Variants in RAPGEF5 observed in about 807,000 individuals in gnomAD.
RAPGEF5 encodes Rap guanine nucleotide exchange factor 5, also known as M-Ras-regulated GEF.
Under a neutral mutation model 125.2 loss-of-function variants are expected in RAPGEF5, and 65 were observed. That is an observed-to-expected ratio of 0.52 (90% CI 0.43 to 0.64). RAPGEF5 has a LOEUF of 0.64. Ranked by LOEUF, RAPGEF5 falls within the 30% of genes least tolerant of loss-of-function variation. The pLI, the probability that RAPGEF5 is intolerant of heterozygous loss-of-function variation, is 0.00. For synonymous variants in RAPGEF5, 391 were observed against 385.9 expected (o/e 1.01, Z -0.16); for missense variants, 958 against 1,048.1 (o/e 0.91, Z 1.19).
intron 1 of RAPGEF5, among the ~76,000 whole-genome samples, chr7:22,331,379 G>A (rs887042611): frequency 4.6e-5 from 7 of 152,224 alleles, no homozygotes; most frequent in South Asian, 2.1e-4. Flanking sequence ...ACAGAAGCTC[G>A]ATCTTTCTAT....
chr7:22,207,357 C>A (rs775847818), intron 9 of RAPGEF5, among the ~76,000 whole-genome samples: 27 of 151,926 alleles, frequency 1.8e-4, no homozygotes, highest in African/African-American at 6.5e-4. Flanking sequence ...TGGAGAGTTG[C>A]GCGTTATAGT....
Position 22,311,536 on chromosome 7 carries a change from G to A in RAPGEF5, c.390-1446C>T, listed in dbSNP as rs1455032481. On this transcript the variant is annotated intron_variant, in intron 3 of 25. Transcript: ENST00000665637. ...ATTTTCTGGGGTGAAGAAAAATAAAGTAGTAAACTTTTCTGCTGAGATATT... is the reference window on the plus strand; with the variant it reads ...ATTTTCTGGGGTGAAGAAAAATAAAATAGTAAACTTTTCTGCTGAGATATT... Among the ~76,000 whole-genome samples, 8 of 152,178 alleles carry A rather than the reference G, an allele frequency of 5.3e-5. 1 individual carries two copies. In the South Asian group the frequency reaches 1.5e-3, roughly 28 times the overall value.
intron 5 of RAPGEF5, among the ~76,000 whole-genome samples, chr7:22,302,775 C>A (rs1364350101): frequency 7.0e-6 from 1 of 142,794 alleles, no homozygotes; most frequent in African/African-American, 2.6e-5. Context: ...CCCCACCCCA[C>A]CCCCGCCTTT....
At chr7:22,247,271 A>G (rs920430771) in intron 7 of RAPGEF5, among the ~76,000 whole-genome samples, 2 of 152,210 alleles carry the variant, frequency 1.3e-5, no homozygotes, top group African/African-American at 4.8e-5. Context: ...AAAAAGACAC[A>G]TGCACTCATA....
intron 6 of RAPGEF5, among the ~76,000 whole-genome samples, chr7:22,290,635 C>A (rs1782909827): frequency 6.7e-6 from 1 of 149,150 alleles, no homozygotes; most frequent in Admixed American, 6.7e-5. Context: ...GTCCCAGCTA[C>A]TTGGGAGGCT....
At chr7:22,318,138 G>GAAAAAAAA in intron 1 of RAPGEF5, 101 bp from the exon 2 acceptor site, 1 of 701,996 alleles carries the variant, frequency 1.4e-6, no homozygotes, top group South Asian at 3.0e-5. Context: ...CCTCTGCTAT[G>GAAAAAAAA]AAAAAAAAAA....
intron 1 of RAPGEF5, chr7:22,356,260 G>A: frequency 1.0e-6 from 1 of 985,404 alleles, no homozygotes; most frequent in South Asian, 4.7e-5. Flanking sequence ...TCCTGCTCAA[G>A]AGGGTGTCCA....
intron 21 of RAPGEF5, among the ~76,000 whole-genome samples, chr7:22,139,049 A>G (rs1248377601): frequency 1.3e-5 from 2 of 152,178 alleles, no homozygotes; most frequent in East Asian, 3.9e-4. Context: ...AGCACAGTGC[A>G]TTCCTTCAGG....
At chr7:22,180,843 C>G (rs1370160821) in intron 11 of RAPGEF5, among the ~76,000 whole-genome samples, 1 of 152,224 alleles carries the variant, frequency 6.6e-6, no homozygotes, top group African/African-American at 2.4e-5. Context: ...GACGAAGACA[C>G]AGTGCCTTGG....
intron 1 of RAPGEF5, among the ~76,000 whole-genome samples, chr7:22,340,694 C>T (rs1414965500): frequency 2.0e-5 from 3 of 152,200 alleles, no homozygotes; most frequent in Non-Finnish European, 4.4e-5. Context: ...ATTCTCTTAC[C>T]AGGGTATTCC....
intron 7 of RAPGEF5, among the ~76,000 whole-genome samples, chr7:22,258,278 T>C (rs111338109): frequency 0.032 from 4,930 of 152,246 alleles, 111 homozygotes; most frequent in African/African-American, 0.057. Context: ...CCAATTTCAA[T>C]ACTTAACGTA....
intron 1 of RAPGEF5, among the ~76,000 whole-genome samples, chr7:22,329,214 TTTC>T (rs1218542365): frequency 1.3e-5 from 2 of 152,246 alleles, no homozygotes; most frequent in African/African-American, 4.8e-5. Context: ...GCAAACTTAA[TTTC>T]TTCTTTTATT....
chr7:22,147,091 A>AG, intron 18 of RAPGEF5, 72 bp from the exon 19 acceptor site: 2 of 1,539,426 alleles, frequency 1.3e-6, no homozygotes, highest in Non-Finnish European at 8.8e-7. Context: ...GGCTGTAGAA[A>AG]GGCACTAGAA....
chr7:22,137,933 T>G (rs1052272457), intron 21 of RAPGEF5, among the ~76,000 whole-genome samples: 1 of 152,030 alleles, frequency 6.6e-6, no homozygotes, highest in Non-Finnish European at 1.5e-5. Flanking sequence ...GAGATAGATT[T>G]TTTTCGATGT....
chr7:22,164,200 G>A (rs1182799945), intron 12 of RAPGEF5, among the ~76,000 whole-genome samples: 1 of 152,072 alleles, frequency 6.6e-6, no homozygotes, highest in East Asian at 1.9e-4. Context: ...GTATGGTGAT[G>A]GGCATCTGTA....
intron 1 of RAPGEF5, among the ~76,000 whole-genome samples, chr7:22,353,442 C>T (rs528709169): frequency 1.1e-4 from 16 of 152,034 alleles, no homozygotes; most frequent in African/African-American, 3.6e-4. Context: ...TTATCAGGAC[C>T]GTAAACTGAA....
intron 21 of RAPGEF5, among the ~76,000 whole-genome samples, chr7:22,137,612 G>A (rs1783118421): frequency 6.6e-6 from 1 of 152,206 alleles, no homozygotes; most frequent in African/African-American, 2.4e-5. Context: ...AAAATTGGGT[G>A]CCTTTCAATA....
At chr7:22,237,535 G>A (rs1337499437) in intron 7 of RAPGEF5, among the ~76,000 whole-genome samples, 1 of 150,638 alleles carries the variant, frequency 6.6e-6, no homozygotes, top group African/African-American at 2.4e-5. Flanking sequence ...AGACATGACA[G>A]GCCAGACCCT....
chr7:22,225,017 G>A (rs1785886457), intron 8 of RAPGEF5, among the ~76,000 whole-genome samples: 1 of 152,080 alleles, frequency 6.6e-6, no homozygotes, highest in Non-Finnish European at 1.5e-5. Context: ...TCTCAGCCAA[G>A]TGCAGTGGCA....
Sources: gnomAD v4.1 joint callset for allele counts (sites outside exome capture counted in the v4.1 genomes callset) on GRCh38, gnomAD v4.1.1 for gene constraint, MANE v1.5 for transcripts, NCBI Gene and HGNC (gene_info 2026-07-23, HGNC 2026-07-21) for gene names.